The following TLE2 variants were observed in gnomAD, a reference collection of about 807,000 sequenced individuals.
TLE2 encodes the protein transducin-like enhancer protein 2.
In TLE2, 74 loss-of-function variants were observed where a neutral mutation model predicts 97.2. The observed-to-expected ratio is 0.76, with a 90% CI of 0.63 to 0.92. The LOEUF (loss-of-function observed/expected upper bound fraction) is 0.92, where lower values mean the gene tolerates loss of function less well. Among genes scored for constraint, TLE2 ranks in the 40% least tolerant of loss-of-function variants. TLE2 has a pLI of 0.00. For synonymous variants in TLE2, 499 were observed against 432.1 expected (o/e 1.15, Z -1.92); for missense variants, 1,038 against 1,008.7 (o/e 1.03, Z -0.39).
chr19:3,022,987 G>A (rs13346985), intron 5 of TLE2, among the ~76,000 whole-genome samples: 1 of 151,926 alleles, frequency 6.6e-6, no homozygotes, highest in East Asian at 1.9e-4. Flanking sequence ...GCTGGCCCTC[G>A]AGCTGCAGTT....
chr19:3,011,008 G>A lies in TLE2; in HGVS notation c.1012+14C>T, dbSNP rs754191662. 12 of 1,598,782 alleles carry A rather than the reference G, an allele frequency of 7.5e-6. No homozygotes were observed. ...GGCCTGCTCCAGACAGGCACCAACA[G>A]GCAAGGTGCTCACCGACGCTGTCCG... On this transcript the variant is annotated intron_variant, in intron 12 of 19. Transcript: ENST00000262953.
rs1177264864 is a variant in TLE2 at position 3,029,075 on chromosome 19, G to A, written c.-171C>T. On this transcript the variant is annotated 5_prime_UTR_variant, in exon 1 of 20. Coordinates refer to ENST00000262953, the MANE Select transcript of TLE2 (RefSeq NM_003260.5). The stretch of plus-strand genomic sequence containing the variant: ...GAGTCCCTGGCGCGCCCCCAAGCGC[G>A]CGCGCCCGGGGTCGTGGGAGCCCCT... 27 of 1,296,238 alleles carry A rather than the reference G, an allele frequency of 2.1e-5. No individual in the cohort carries two copies. The highest frequency in any genetic ancestry group is 3.6e-5 in the Admixed American group (1 of 27,812). 80.3% of individuals were successfully genotyped at this position (1,296,238 alleles called of 1,614,324 possible). A position where few individuals can be genotyped will look rare whatever the true frequency, so the allele number is the denominator to read the frequency against.
intron 7 of TLE2, among the ~76,000 whole-genome samples, chr19:3,018,092 G>A (rs1330541448): frequency 6.6e-6 from 1 of 151,970 alleles, no homozygotes; most frequent in Admixed American, 6.6e-5. Context: ...AGCCCATTGG[G>A]GGTGATGTTG....
At chr19:3,010,963 C>A in intron 12 of TLE2, 59 bp downstream of exon 12, 1 of 1,548,152 alleles carries the variant, frequency 6.5e-7, no homozygotes, top group East Asian at 2.4e-5. Context: ...GCCCCTTTTC[C>A]TAGATCTCCC....
At chr19:3,025,740 G>A (rs1049685045) in intron 4 of TLE2, 8 of 393,372 alleles carry the variant, frequency 2.0e-5, no homozygotes, top group Non-Finnish European at 1.4e-5. Context: ...GGTGTGCTGT[G>A]TGTCTGGCGA....
intron 10 of TLE2, 29 bp downstream of exon 10, chr19:3,014,541 C>T (rs761806753): frequency 1.7e-5 from 27 of 1,550,962 alleles, no homozygotes; most frequent in African/African-American, 5.5e-5. Flanking sequence ...TGCCCAGAGT[C>T]GGGGAAGAGG....
intron 12 of TLE2, among the ~76,000 whole-genome samples, chr19:3,009,974 T>G (rs1300439972): frequency 6.6e-6 from 1 of 151,486 alleles, no homozygotes; most frequent in African/African-American, 2.4e-5. Flanking sequence ...AACCTCTGCC[T>G]CCTGGGTTCA....
chr19:3,034,027 C>T (rs1449477835), upstream of TLE2, among the ~76,000 whole-genome samples: 1 of 152,040 alleles, frequency 6.6e-6, no homozygotes, highest in African/African-American at 2.4e-5. Flanking sequence ...CCGGTTCCTA[C>T]TCTGAGACCC....
intron 19 of TLE2, among the ~76,000 whole-genome samples, chr19:2,998,525 G>A (rs2089277855): frequency 6.6e-6 from 1 of 152,018 alleles, no homozygotes; most frequent in African/African-American, 2.4e-5. Context: ...TGATCCGCCT[G>A]CCTTGGTCTC....
Position 3,019,428 on chromosome 19 carries a change from AG to A in TLE2, c.404del (p.Pro135LeufsTer157). On this transcript the variant is annotated frameshift_variant, in exon 7 of 20. Coordinates refer to ENST00000262953, the MANE Select transcript of TLE2 (RefSeq NM_003260.5). LOFTEE classifies it high-confidence loss of function. This position sits in a 1 kb window ranked among gnomAD's most constrained non-coding sequence, Gnocchi z 5.1. ...CGGCTGGGCGGGGGGTGAGGGGCAC[AG>A]GGGGTGCGTGGTGGGACAGCGGCTG... is the stretch of plus-strand genomic sequence containing the variant. ...QLQPLSHHAP[P>X]VPLTPRPAGL... 3 of 1,535,528 alleles carry A rather than the reference AG, an allele frequency of 2.0e-6. No homozygotes were observed. Among genetic ancestry groups the A allele is most frequent in the Non-Finnish European group, 2.6e-6 (3 of 1,146,204 alleles).
At chr19:3,026,503 T>C (rs2089946836) in intron 4 of TLE2, among the ~76,000 whole-genome samples, 1 of 151,466 alleles carries the variant, frequency 6.6e-6, no homozygotes. Flanking sequence ...CTCAGAACCT[T>C]GAGATCAGAA....
chr19:3,020,786 G>A (rs1273939042), intron 5 of TLE2, among the ~76,000 whole-genome samples: 4 of 151,958 alleles, frequency 2.6e-5, no homozygotes, highest in Admixed American at 6.6e-5. Context: ...ACTCTGCTGC[G>A]AGAAAATGTT....
rs776175158 is a variant in TLE2, at chr19:3,016,680, GC to G, written c.571-921del. On this transcript the variant is annotated intron_variant, in intron 8 of 19. Coordinates refer to ENST00000262953, the MANE Select transcript of TLE2 (RefSeq NM_003260.5). ...CTGTTGGGGAGCACCCACAGATATT[GC>G]TGAACGGCTGATGGCTAGGCGAACG... 9.3e-4 allele frequency among the ~76,000 whole-genome samples: 142 copies of G among 152,064 alleles called. 5 individuals are homozygous for G. Among genetic ancestry groups the G allele is most frequent in the Non-Finnish European group, 2.5e-4 (17 of 68,014 alleles).
chr19:3,009,585 G>A lies in TLE2; in HGVS notation c.1130C>T (p.Ser377Phe). 1 of 1,613,492 alleles carries A rather than the reference G, an allele frequency of 6.2e-7. No individual in the cohort carries two copies. Among genetic ancestry groups the A allele is most frequent in the Non-Finnish European group, 8.5e-7 (1 of 1,179,712 alleles). The change falls in exon 13 of 20, where the codon TCC (serine) becomes TTC (phenylalanine). Residue 377 changes from serine (S) to phenylalanine (F), a missense_variant. Transcript: ENST00000262953. Reference sequence around the variant, plus strand: ...CACCACAGAGCTGCTGACCTGGGGGGACAGGTGGAGGCTGACGTAGGAGCT... The same window carrying A: ...CACCACAGAGCTGCTGACCTGGGGGAACAGGTGGAGGCTGACGTAGGAGCT... ...VPSSYVSLHLSPQVSSSVVYG... is the reference protein window; with the variant it reads ...VPSSYVSLHLFPQVSSSVVYG...
chr19:3,020,791 A>G (rs1212459639), intron 5 of TLE2, among the ~76,000 whole-genome samples: 1 of 152,004 alleles, frequency 6.6e-6, no homozygotes, highest in Non-Finnish European at 1.5e-5. Flanking sequence ...GCTGCGAGAA[A>G]ATGTTATATC....
At chr19:3,033,080 T>C (rs1206296216), upstream of TLE2, among the ~76,000 whole-genome samples, 1 of 151,690 alleles carries the variant, frequency 6.6e-6, no homozygotes, top group African/African-American at 2.4e-5. Flanking sequence ...ATTACAGATC[T>C]CGGCTCACTG....
intron 1 of TLE2, among the ~76,000 whole-genome samples, chr19:3,035,185 G>A (rs149548374): frequency 4.5e-4 from 69 of 152,334 alleles, no homozygotes; most frequent in African/African-American, 1.5e-3. Flanking sequence ...TTTGGGAGCA[G>A]CGGGTGGAAT....
chr19:2,998,190 C>A (rs1040205653), intron 19 of TLE2, among the ~76,000 whole-genome samples: 6 of 151,270 alleles, frequency 4.0e-5, no homozygotes, highest in Non-Finnish European at 8.8e-5. Flanking sequence ...CCTGCCTCAG[C>A]CTCCCAAATA....
intron 1 of TLE2, among the ~76,000 whole-genome samples, chr19:3,036,983 T>G (rs1311303200): frequency 6.6e-6 from 1 of 152,106 alleles, no homozygotes; most frequent in Non-Finnish European, 1.5e-5. Context: ...TGTTGGGTGG[T>G]AGTATTTAAT....
Sources: gnomAD v4.1 joint callset for allele counts (sites outside exome capture counted in the v4.1 genomes callset) on GRCh38, gnomAD v4.1.1 for gene constraint, Gnocchi (gnomAD v3.1) non-coding constraint, MANE v1.5 for transcripts, NCBI Gene and HGNC (gene_info 2026-07-23, HGNC 2026-07-21) for gene names.